The following NIPAL2 variants were observed in gnomAD, a reference collection of about 807,000 sequenced individuals.
NIPAL2 encodes the protein NIPA-like protein 2.
NIPAL2 carries 43 observed loss-of-function variants against 48.9 expected under a neutral mutation model. The ratio of observed to expected loss-of-function variants is 0.88; its 90% CI spans 0.69 to 1.13. The LOEUF (loss-of-function observed/expected upper bound fraction) is 1.13, where lower values mean the gene tolerates loss of function less well. Ranked by LOEUF, NIPAL2 falls within the 50% of genes most tolerant of loss-of-function variation. The pLI is 0.00. For missense variants in NIPAL2, 446 were observed against 461.4 expected, an observed-to-expected ratio of 0.97 and a Z score of 0.31; for synonymous variants, 167 against 174.6, an observed-to-expected ratio of 0.96 and a Z score of 0.34.
At position 98,252,533 on chromosome 8, in the gene NIPAL2, C is replaced by G. The variant is rs368207234; in HGVS notation, c.306G>C (p.Thr102=). 3 of 1,614,044 alleles carry G rather than the reference C, an allele frequency of 1.9e-6. No homozygotes were observed. Among genetic ancestry groups the G allele is most frequent in the Admixed American group, 1.7e-5 (1 of 60,008 alleles). The part of the protein sequence containing the change: ...GGVLLMAVGE[T]GNFAAYGFAP... ...CAAATCCATAGGCTGCAAAGTTCCC[C>G]GTCTCTCCCACGGCCATCAGCAGGA... Residue 102 remains threonine (T), a synonymous_variant, in exon 3 of 11, where the codon ACG becomes ACC. Coordinates refer to ENST00000430223, the MANE Select transcript of NIPAL2 (RefSeq NM_001321635.2).
intron 8 of NIPAL2, among the ~76,000 whole-genome samples, chr8:98,200,680 A>G (rs1810756538): frequency 1.3e-5 from 2 of 151,984 alleles, no homozygotes; most frequent in African/African-American, 4.8e-5. Context: ...TCCATTTTTA[A>G]TTTTTTGAGG....
At chr8:98,221,491 G>A (rs1330469581) in intron 5 of NIPAL2, among the ~76,000 whole-genome samples, 5 of 151,882 alleles carry the variant, frequency 3.3e-5, no homozygotes, top group Non-Finnish European at 7.4e-5. Context: ...AGTACTAATG[G>A]GAATGTAAAT....
chr8:98,260,338 G>A (rs886718055), intron 1 of NIPAL2, among the ~76,000 whole-genome samples: 10 of 152,172 alleles, frequency 6.6e-5, no homozygotes, highest in East Asian at 1.9e-4. Flanking sequence ...CGCAGAAGAC[G>A]GTGATTTCTG....
chr8:98,276,757 T>A, intron 1 of NIPAL2, among the ~76,000 whole-genome samples: 1 of 151,966 alleles, frequency 6.6e-6, no homozygotes, highest in Non-Finnish European at 1.5e-5. Context: ...ATTTCTTTCT[T>A]TCTTTTTTTT....
chr8:98,226,246 A>T (rs888866656), intron 4 of NIPAL2, among the ~76,000 whole-genome samples: 10 of 152,148 alleles, frequency 6.6e-5, no homozygotes, highest in Non-Finnish European at 1.2e-4. Flanking sequence ...TGGTGAGGTC[A>T]TGTTTTCCTG....
chr8:98,253,044 T>TC (rs1813680295), intron 2 of NIPAL2, among the ~76,000 whole-genome samples: 1 of 152,098 alleles, frequency 6.6e-6, no homozygotes, highest in Non-Finnish European at 1.5e-5. Context: ...ATGCTCCCTG[T>TC]CCCTTGGTCA....
intron 1 of NIPAL2, among the ~76,000 whole-genome samples, chr8:98,280,618 A>G (rs1815747060): frequency 6.6e-6 from 1 of 151,430 alleles, no homozygotes. Flanking sequence ...GGCACATGAT[A>G]TCTCTCCAGG....
intron 3 of NIPAL2, chr8:98,251,641 A>T (rs1228525509): frequency 6.6e-6 from 1 of 152,242 alleles, no homozygotes; most frequent in South Asian, 2.1e-4. Flanking sequence ...ACATCGTTTC[A>T]GTTTAAATGA....
chr8:98,222,439 A>G, intron 5 of NIPAL2, 40 bp downstream of exon 5: 1 of 1,603,506 alleles, frequency 6.2e-7, no homozygotes, highest in Non-Finnish European at 8.5e-7. Context: ...TGGTCTGGAT[A>G]ATATAGCTTC....
At chr8:98,230,933 G>T (rs1423683502) in intron 4 of NIPAL2, among the ~76,000 whole-genome samples, 1 of 152,154 alleles carries the variant, frequency 6.6e-6, no homozygotes, top group Admixed American at 6.5e-5. Context: ...GTGCCCATTT[G>T]CTGACTTCTG....
intron 4 of NIPAL2, among the ~76,000 whole-genome samples, chr8:98,226,982 CAA>C (rs1380931678): frequency 6.6e-6 from 1 of 152,206 alleles, no homozygotes; most frequent in Non-Finnish European, 1.5e-5. Context: ...AACCACAAGA[CAA>C]AGTCTTTTCT....
At chr8:98,197,683 C>G (rs1387092966) in intron 8 of NIPAL2, among the ~76,000 whole-genome samples, 2 of 152,224 alleles carry the variant, frequency 1.3e-5, no homozygotes, top group East Asian at 3.8e-4. Flanking sequence ...TTCCTAGCAT[C>G]TTCACCAAGA....
chr8:98,245,288 C>A (rs563264001), intron 3 of NIPAL2, among the ~76,000 whole-genome samples: 1 of 152,302 alleles, frequency 6.6e-6, no homozygotes, highest in South Asian at 2.1e-4. Context: ...ACATAATTAT[C>A]ATTCCCCGTT....
intron 5 of NIPAL2, chr8:98,217,327 C>T (rs1008224105): frequency 2.5e-6 from 2 of 785,478 alleles, no homozygotes; most frequent in African/African-American, 4.3e-5. Flanking sequence ...TTGATGTGAG[C>T]CAGTGGGTGC....
At chr8:98,197,452 G>A (rs1239978370) in intron 8 of NIPAL2, among the ~76,000 whole-genome samples, 1 of 152,130 alleles carries the variant, frequency 6.6e-6, no homozygotes, top group East Asian at 1.9e-4. Context: ...GAAGGTTGGG[G>A]TGGCTGTGGC....
chr8:98,256,883 CA>C (rs1160642094), intron 1 of NIPAL2, among the ~76,000 whole-genome samples: 4 of 152,022 alleles, frequency 2.6e-5, no homozygotes. Flanking sequence ...TCATAATAGC[CA>C]AAAGGTGGAA....
intron 8 of NIPAL2, among the ~76,000 whole-genome samples, chr8:98,199,211 C>T (rs1286602961): frequency 6.6e-6 from 1 of 152,168 alleles, no homozygotes; most frequent in African/African-American, 2.4e-5. Flanking sequence ...CCGCCTCAGC[C>T]TCCCAAAGTG....
chr8:98,267,141 G>A (rs1042834398), intron 1 of NIPAL2, among the ~76,000 whole-genome samples: 5 of 151,972 alleles, frequency 3.3e-5, no homozygotes, highest in Admixed American at 2.6e-4. Context: ...CAATGAATAT[G>A]GAAAATATTT....
chr8:98,260,822 G>T (rs1209627015), intron 1 of NIPAL2, among the ~76,000 whole-genome samples: 1 of 152,194 alleles, frequency 6.6e-6, no homozygotes, highest in Non-Finnish European at 1.5e-5. Context: ...CACCTCTGGG[G>T]GCAGGGCACA....
Sources: allele counts gnomAD v4.1 joint callset (sites outside exome capture counted in the v4.1 genomes callset), GRCh38; gene constraint gnomAD v4.1.1; transcripts MANE v1.5; gene names NCBI Gene and HGNC (gene_info 2026-07-23, HGNC 2026-07-21).